BTD: variants seen among roughly 807,000 people sequenced by gnomAD.
BTD encodes the protein biotinidase.
Under a neutral mutation model 17.7 loss-of-function variants are expected in BTD, and 13 were observed. The ratio of observed to expected loss-of-function variants is 0.74; its 90% CI spans 0.48 to 1.17. The LOEUF is 1.17. Among genes scored for constraint, BTD ranks in the 50% most tolerant of loss-of-function variants. BTD has a pLI of 0.00. For missense variants in BTD, 674 were observed against 650.4 expected, an observed-to-expected ratio of 1.04 and a Z score of -0.39; for synonymous variants, 240 against 245.2, an observed-to-expected ratio of 0.98 and a Z score of 0.20.
In BTD at chr3:15,651,451, A is replaced by C. The variant is rs1482734326; in HGVS notation, c.*5963A>C. On this transcript the variant is annotated 3_prime_UTR_variant, in exon 4 of 4. Transcript: ENST00000643237. The stretch of plus-strand genomic sequence containing the variant: ...CTACCCAGCGGCCAGCGACAGCAGG[A>C]GCTATGAGCACCCCAGGCCTGAAGG... Among the ~76,000 whole-genome samples the C allele has an allele frequency of 6.6e-6, 1 of 152,176 alleles. No individual in the cohort carries two copies. Among genetic ancestry groups the C allele is most frequent in the East Asian group, 1.9e-4 (1 of 5,198 alleles).
downstream of BTD, chr3:15,714,604 G>C (rs1291354148): frequency 8.8e-6 from 14 of 1,597,544 alleles, no homozygotes; most frequent in Non-Finnish European, 1.1e-5. Context: ...TTGTGATCGG[G>C]AGAATCTACC....
chr3:15,698,229 G>A (rs907360816), intron 3 of BTD, among the ~76,000 whole-genome samples: 1 of 152,090 alleles, frequency 6.6e-6, no homozygotes, highest in Non-Finnish European at 1.5e-5. Flanking sequence ...AGGTATTGAT[G>A]GAATGTATCT....
intron 3 of BTD, among the ~76,000 whole-genome samples, chr3:15,704,715 A>G (rs2071117752): frequency 6.6e-6 from 1 of 152,160 alleles, no homozygotes; most frequent in Admixed American, 6.5e-5. Flanking sequence ...ATTTTTTACA[A>G]TTTAAGAAAA....
chr3:15,709,821 G>A (rs541689457), intron 3 of BTD: 15 of 778,842 alleles, frequency 1.9e-5, no homozygotes, highest in South Asian at 5.8e-5. Flanking sequence ...ATGAAAGCAT[G>A]TTTTTATATG....
At chr3:15,714,381 A>T (rs1452649461), downstream of BTD, among the ~76,000 whole-genome samples, 1 of 152,104 alleles carries the variant, frequency 6.6e-6, no homozygotes, top group Non-Finnish European at 1.5e-5. Flanking sequence ...AAAACATAAA[A>T]AACAAAAGTA....
chr3:15,639,322 C>G lies in BTD; in HGVS notation c.250-2586C>G, dbSNP rs544807709. ...TTTTGTTTTTAATAAAGAAAAATGT[C>G]TATCCAAATATAATTTTCAAAAATC... On this transcript the variant is annotated intron_variant, in intron 2 of 3. Coordinates refer to ENST00000643237, the MANE Select transcript of BTD (RefSeq NM_001370658.1). Among the ~76,000 whole-genome samples the G allele has an allele frequency of 1.8e-4, 27 of 151,908 alleles. No homozygotes were observed. In the South Asian group the frequency reaches 5.4e-3, roughly 31 times the overall value.
exon 4 of BTD, chr3:15,711,181 C>A: frequency 6.4e-7 from 1 of 1,574,752 alleles, no homozygotes; most frequent in Non-Finnish European, 8.7e-7. Flanking sequence ...GCTATCTTTT[C>A]TTAAAGAAAT....
chr3:15,708,549 G>A (rs2470513), intron 3 of BTD, among the ~76,000 whole-genome samples: 75,222 of 151,808 alleles, frequency 0.5, 20,527 homozygotes, highest in Middle Eastern at 0.61. Flanking sequence ...TCAACTCAAA[G>A]CATTTTTCAG....
intron 3 of BTD, among the ~76,000 whole-genome samples, chr3:15,675,392 A>C (rs530085206): frequency 1.3e-5 from 2 of 152,322 alleles, no homozygotes; most frequent in South Asian, 4.1e-4. Context: ...TGGCAGGAGC[A>C]GTGAGATTTA....
chr3:15,706,316 C>T (rs1449311184), intron 3 of BTD, among the ~76,000 whole-genome samples: 3 of 151,940 alleles, frequency 2.0e-5, no homozygotes, highest in African/African-American at 4.8e-5. Flanking sequence ...GTTCAATTCT[C>T]ACCTATGAGT....
intron 1 of BTD, among the ~76,000 whole-genome samples, chr3:15,631,882 T>A (rs1268333790): frequency 2.0e-5 from 3 of 152,216 alleles, no homozygotes; most frequent in Non-Finnish European, 2.9e-5. Flanking sequence ...TGGCTGCTCT[T>A]ATGAGTCCAG....
chr3:15,655,237 A>C (rs2065860100), downstream of BTD, among the ~76,000 whole-genome samples: 1 of 152,214 alleles, frequency 6.6e-6, no homozygotes, highest in Admixed American at 6.5e-5. Context: ...AAATTGCTGC[A>C]TATTAGGGGT....
rs375927499 is a variant in BTD, at chr3:15,601,957, C to T, written c.-17+63C>T. 3.3e-5 allele frequency: 53 copies of T among 1,591,876 alleles called. No individual in the cohort carries two copies. In the South Asian group the frequency reaches 4.2e-4, roughly 13 times the overall value. On this transcript the variant is annotated intron_variant, in intron 1 of 3. Transcript: ENST00000643237. ...GTAAGGGCGTGCGGTCCAGACCCCGCCCCGGGCGCCCAGTTGGACTTGGGG... is the reference window on the plus strand; with the variant it reads ...GTAAGGGCGTGCGGTCCAGACCCCGTCCCGGGCGCCCAGTTGGACTTGGGG...
At chr3:15,695,330 C>G (rs1217163092) in intron 3 of BTD, 2 of 718,726 alleles carry the variant, frequency 2.8e-6, no homozygotes, top group Non-Finnish European at 4.7e-6. Context: ...CCTTTGGCTC[C>G]AAAAAATTAG....
intron 1 of BTD, among the ~76,000 whole-genome samples, chr3:15,612,467 G>C (rs1490091079): frequency 1.3e-5 from 2 of 152,130 alleles, no homozygotes; most frequent in Non-Finnish European, 2.9e-5. Context: ...AGTAAAGTCT[G>C]AGGACAGCCT....
chr3:15,674,041 G>T (rs557385382), intron 3 of BTD, among the ~76,000 whole-genome samples: 11 of 151,624 alleles, frequency 7.3e-5, no homozygotes, highest in Non-Finnish European at 1.5e-4. Context: ...GCCTGGTGAT[G>T]CATACTTATA....
chr3:15,687,791 A>C (rs939121719), intron 3 of BTD, among the ~76,000 whole-genome samples: 6 of 152,236 alleles, frequency 3.9e-5, no homozygotes, highest in Non-Finnish European at 8.8e-5. Context: ...GGGATGTTCA[A>C]GAAGAACTTG....
At chr3:15,627,709 ATTC>A (rs2065100125) in intron 1 of BTD, among the ~76,000 whole-genome samples, 1 of 151,920 alleles carries the variant, frequency 6.6e-6, no homozygotes, top group Non-Finnish European at 1.5e-5. Context: ...ATTAAGGGTT[ATTC>A]TTTTGTTTTG....
chr3:15,662,115 G>T (rs564002572), intron 3 of BTD, among the ~76,000 whole-genome samples: 23 of 152,188 alleles, frequency 1.5e-4, no homozygotes, highest in Non-Finnish European at 2.9e-4. Flanking sequence ...CTTGGCTTTT[G>T]CCTCTCCATA....
Sources: allele counts gnomAD v4.1 joint callset (sites outside exome capture counted in the v4.1 genomes callset), GRCh38; gene constraint gnomAD v4.1.1; transcripts MANE v1.5; gene names NCBI Gene and HGNC (gene_info 2026-07-23, HGNC 2026-07-21).